Variants in GNG7 observed in about 807,000 individuals in gnomAD.
GNG7 encodes the protein guanine nucleotide-binding protein G(I)/G(S)/G(O) subunit gamma-7.
A neutral mutation model predicts 4.0 loss-of-function variants in GNG7; 1 was observed. The observed-to-expected ratio is 0.25, with a 90% CI of 0.09 to 1.18. The LOEUF is 1.18. Ranked by LOEUF, GNG7 falls within the 50% of genes most tolerant of loss-of-function variation. The probability of loss-of-function intolerance (pLI) is 0.50; values close to 1 mark genes in which losing one functional copy is unlikely to be tolerated. For missense variants in GNG7, 86 were observed against 91.9 expected (o/e 0.94, Z 0.26); for synonymous variants, 34 against 36.9 (o/e 0.92, Z 0.29).
chr19:2,681,319 G>A (rs1290825681), intron 1 of GNG7, among the ~76,000 whole-genome samples: 1 of 152,092 alleles, frequency 6.6e-6, no homozygotes, highest in African/African-American at 2.4e-5. Flanking sequence ...GAGTAGCTGG[G>A]ACTACAGGCG....
At chr19:2,680,646 G>A (rs1037766970) in intron 1 of GNG7, among the ~76,000 whole-genome samples, 1 of 145,498 alleles carries the variant, frequency 6.9e-6, no homozygotes, top group Non-Finnish European at 1.5e-5. Context: ...TGAGATCTCA[G>A]CCCACTGCAA....
chr19:2,555,863 G>A (rs4807295), intron 2 of GNG7, among the ~76,000 whole-genome samples: 122,001 of 152,016 alleles, frequency 0.8, 49,347 homozygotes, highest in African/African-American at 0.89. Flanking sequence ...CCCTGCACAG[G>A]GCCAGGCCCC....
intron 1 of GNG7, among the ~76,000 whole-genome samples, chr19:2,649,817 T>G (rs1216430486): frequency 2.6e-5 from 4 of 152,174 alleles, no homozygotes; most frequent in African/African-American, 9.7e-5. Flanking sequence ...TTTATGTAGT[T>G]CCAGAACATT....
rs771297019 is a variant in GNG7 at position 2,569,465 on chromosome 19, C to T, written c.-77-14277G>A. Reference sequence around the variant, plus strand: ...TAATTTTTTGTATTTTTAGTAGAGACGAGGGTTCACCGGGTTAGCCAGGAT... The same window carrying T: ...TAATTTTTTGTATTTTTAGTAGAGATGAGGGTTCACCGGGTTAGCCAGGAT... On this transcript the variant is annotated intron_variant, in intron 2 of 4. Transcript: ENST00000382159. Among the ~76,000 whole-genome samples the T allele has an allele frequency of 2.0e-4, 30 of 152,148 alleles. No homozygotes were observed. The Middle Eastern group carries it at 0.017, about 86-fold the overall frequency.
chr19:2,640,242 AAG>A (rs760056514), intron 2 of GNG7, among the ~76,000 whole-genome samples: 1 of 149,132 alleles, frequency 6.7e-6, no homozygotes, highest in Non-Finnish European at 1.5e-5. Flanking sequence ...GAAGGAAAGA[AAG>A]AGAGAGGAAG....
intron 2 of GNG7, among the ~76,000 whole-genome samples, chr19:2,572,651 T>A (rs1255816246): frequency 4.7e-5 from 7 of 148,684 alleles, no homozygotes; most frequent in Admixed American, 2.7e-4. Flanking sequence ...CGGACTACAG[T>A]GGCACCTCCT....
At chr19:2,649,127 G>T (rs1982743450) in intron 1 of GNG7, among the ~76,000 whole-genome samples, 1 of 151,498 alleles carries the variant, frequency 6.6e-6, no homozygotes, top group African/African-American at 2.4e-5. Context: ...ATAGAGACAG[G>T]GTCTTTGCTA....
intron 3 of GNG7, among the ~76,000 whole-genome samples, chr19:2,542,341 C>T (rs1230092600): frequency 1.3e-5 from 2 of 151,930 alleles, no homozygotes; most frequent in African/African-American, 4.8e-5. Context: ...GTCTTGAACT[C>T]CTGGCCTCAA....
intron 1 of GNG7, among the ~76,000 whole-genome samples, chr19:2,646,988 T>A (rs1275262155): frequency 6.6e-6 from 1 of 152,158 alleles, no homozygotes; most frequent in Non-Finnish European, 1.5e-5. Flanking sequence ...AAGTCCTGCA[T>A]CCTGGGAAGT....
At chr19:2,518,600 G>A (rs1978293612) in intron 4 of GNG7, among the ~76,000 whole-genome samples, 1 of 152,032 alleles carries the variant, frequency 6.6e-6, no homozygotes, top group Admixed American at 6.6e-5. Flanking sequence ...CAGCAGGGAC[G>A]ACTCTGTCCG....
chr19:2,697,787 C>A (rs1050569400), intron 1 of GNG7, among the ~76,000 whole-genome samples: 1 of 111,586 alleles, frequency 9.0e-6, no homozygotes, highest in Non-Finnish European at 1.7e-5. Flanking sequence ...AGGGCCCCGT[C>A]CCCCCCCCCG....
chr19:2,631,660 G>A (rs56099620), intron 2 of GNG7, among the ~76,000 whole-genome samples: 300 of 152,252 alleles, frequency 2.0e-3, no homozygotes, highest in Admixed American at 3.5e-3. Flanking sequence ...GGGAGCTGCA[G>A]TTTGTCTGTG....
chr19:2,511,876 T>C lies in GNG7; in HGVS notation c.*3146A>G, dbSNP rs562057530. The C allele has an allele frequency of 4.0e-4, 391 of 986,316 alleles. 2 individuals are homozygous for C. Among genetic ancestry groups the C allele is most frequent in the Middle Eastern group, 2.6e-3 (5 of 1,918 alleles). The allele number at this position is 986,316 out of a possible 1,614,324, so 61.1% of individuals were successfully genotyped here. A position where few individuals can be genotyped will look rare whatever the true frequency, so the allele number is the denominator to read the frequency against. On this transcript the variant is annotated 3_prime_UTR_variant, in exon 5 of 5. Coordinates refer to ENST00000382159, the MANE Select transcript of GNG7 (RefSeq NM_052847.3). This position sits in a 1 kb window ranked among gnomAD's most constrained non-coding sequence, Gnocchi z 6.3. Reference sequence around the variant, plus strand: ...GAGGGTGGGAGAGGGGTGAGGGTTCTGGCTCCTTCCTGGAGAGAGGAGGGC... The same window carrying C: ...GAGGGTGGGAGAGGGGTGAGGGTTCCGGCTCCTTCCTGGAGAGAGGAGGGC...
rs139157489 is a variant in GNG7, at chr19:2,667,343, C to T, written c.-134-21063G>A. On this transcript the variant is annotated intron_variant, in intron 1 of 4. Transcript: ENST00000382159. Reference sequence around the variant, plus strand: ...TCTCAAAAAACAAACAAACAAACAACAAAAATTTTCACAGCCCCAAGGTTT... The same window carrying T: ...TCTCAAAAAACAAACAAACAAACAATAAAAATTTTCACAGCCCCAAGGTTT... 1.0e-3 allele frequency among the ~76,000 whole-genome samples: 152 copies of T among 152,082 alleles called. 3 individuals are homozygous for T. The highest frequency in any genetic ancestry group is 5.7e-4 in the Non-Finnish European group (39 of 67,940).
intron 2 of GNG7, among the ~76,000 whole-genome samples, chr19:2,613,137 C>A (rs1228652958): frequency 6.7e-6 from 1 of 148,498 alleles, no homozygotes; most frequent in Admixed American, 6.6e-5. Flanking sequence ...GGAATTCAGA[C>A]AAAGAATTTC....
chr19:2,610,633 C>G (rs904264863), intron 2 of GNG7: 1 of 151,808 alleles, frequency 6.6e-6, no homozygotes, highest in African/African-American at 2.4e-5. Context: ...TGAGCTATCA[C>G]GCCCGGCCAC....
intron 1 of GNG7, among the ~76,000 whole-genome samples, chr19:2,699,661 C>T (rs1013017468): frequency 5.9e-5 from 9 of 152,168 alleles, no homozygotes; most frequent in South Asian, 2.1e-4. Context: ...CCCTACAGGA[C>T]GCTGGGTGAT....
In GNG7 at chr19:2,567,350, T is replaced by TGTGTGTGTGTGTGTGTGTGA. The variant is rs1259433698; in HGVS notation, c.-77-12163_-77-12162insTCACACACACACACACACAC. 1.3e-3 allele frequency among the ~76,000 whole-genome samples: 193 copies of TGTGTGTGTGTGTGTGTGTGA among 150,976 alleles called. 2 individuals carry two copies. The highest frequency in any genetic ancestry group is 2.0e-3 in the Non-Finnish European group (139 of 67,854). On this transcript the variant is annotated intron_variant, in intron 2 of 4. Coordinates refer to ENST00000382159, the MANE Select transcript of GNG7 (RefSeq NM_052847.3). ...GTCGATTTGTGTGTGTGTGTGTGTG[T>TGTGTGTGTGTGTGTGTGTGA]GACATAGGGTCTCACTCTGTCACCC...
intron 2 of GNG7, among the ~76,000 whole-genome samples, chr19:2,567,744 C>T (rs79595264): frequency 5.9e-4 from 90 of 152,212 alleles, no homozygotes; most frequent in African/African-American, 2.0e-3. Flanking sequence ...ACCCTCTGGC[C>T]CTTTACAGGA....
Sources: gnomAD v4.1 joint callset for allele counts (sites outside exome capture counted in the v4.1 genomes callset) on GRCh38, gnomAD v4.1.1 for gene constraint, Gnocchi (gnomAD v3.1) non-coding constraint, MANE v1.5 for transcripts, NCBI Gene and HGNC (gene_info 2026-07-23, HGNC 2026-07-21) for gene names.